The following PHACTR3 variants were observed in gnomAD, a reference collection of about 807,000 sequenced individuals.
The protein encoded by PHACTR3 is phosphatase and actin regulator 3.
A neutral mutation model predicts 66.8 loss-of-function variants in PHACTR3; 16 were observed. That is an observed-to-expected ratio of 0.24 (90% CI 0.16 to 0.36). The LOEUF (loss-of-function observed/expected upper bound fraction) is 0.36. Among genes scored for constraint, PHACTR3 ranks in the 10% least tolerant of loss-of-function variants. The pLI, the probability that PHACTR3 is intolerant of heterozygous loss-of-function variation, is 1.00. For synonymous variants in PHACTR3, 323 were observed against 292.1 expected (o/e 1.11, Z -1.08); for missense variants, 647 against 719.9 (o/e 0.90, Z 1.16).
chr20:59,612,034 C>T (rs760817999), intron 1 of PHACTR3, among the ~76,000 whole-genome samples: 12 of 152,002 alleles, frequency 7.9e-5, no homozygotes, highest in Non-Finnish European at 1.8e-4. Flanking sequence ...CCGGAGGGGA[C>T]GGTGCAGGTA....
At chr20:59,813,522 C>A (rs963289970) in intron 8 of PHACTR3, among the ~76,000 whole-genome samples, 1 of 152,170 alleles carries the variant, frequency 6.6e-6, no homozygotes, top group Non-Finnish European at 1.5e-5. Flanking sequence ...GTAGCGTGCA[C>A]GTGCTAGGCG....
At chr20:59,748,975 A>G (rs1359640415) in intron 3 of PHACTR3, among the ~76,000 whole-genome samples, 2 of 152,162 alleles carry the variant, frequency 1.3e-5, no homozygotes, top group Non-Finnish European at 2.9e-5. Flanking sequence ...TCCTCTCTTT[A>G]GACTCGAAGA....
In PHACTR3 at chr20:59,604,936, C is replaced by A; in HGVS notation, c.-79C>A. ...TTAAAAAGACGCCCCCTCCAGCCCC[C>A]TCGCCGGTGACCTTGGCCGCCTCGG... On this transcript the variant is annotated 5_prime_UTR_variant, in exon 1 of 13. Transcript: ENST00000371015. 1 of 1,231,334 alleles carries A rather than the reference C, an allele frequency of 8.1e-7. No homozygotes were observed. The highest frequency in any genetic ancestry group is 4.3e-5 in the Admixed American group (1 of 23,488). The allele number at this position is 1,231,334 out of a possible 1,614,324, so 76.3% of individuals were successfully genotyped here.
intron 1 of PHACTR3, among the ~76,000 whole-genome samples, chr20:59,708,202 G>A (rs1312143028): frequency 6.6e-6 from 1 of 152,182 alleles, no homozygotes; most frequent in Non-Finnish European, 1.5e-5. Flanking sequence ...GATGGGGACA[G>A]GGGGAGTTCA....
At chr20:59,640,933 A>T (rs2035078146) in intron 1 of PHACTR3, among the ~76,000 whole-genome samples, 1 of 152,200 alleles carries the variant, frequency 6.6e-6, no homozygotes, top group African/African-American at 2.4e-5. Flanking sequence ...AGTTTATGCC[A>T]TTATTGTTAC....
At chr20:59,667,640 C>T (rs943991854) in intron 1 of PHACTR3, among the ~76,000 whole-genome samples, 2 of 152,212 alleles carry the variant, frequency 1.3e-5, no homozygotes, top group African/African-American at 4.8e-5. Context: ...ATCCTGATTT[C>T]ATCACAACTC....
intron 7 of PHACTR3, among the ~76,000 whole-genome samples, chr20:59,790,853 A>C (rs1257092211): frequency 2.0e-5 from 3 of 152,208 alleles, no homozygotes; most frequent in African/African-American, 7.2e-5. Flanking sequence ...TCTTTCCTTA[A>C]TACTATTAGG....
At chr20:59,680,190 G>A (rs11696895) in intron 1 of PHACTR3, among the ~76,000 whole-genome samples, 4,262 of 152,148 alleles carry the variant, frequency 0.028, 77 homozygotes, top group Middle Eastern at 0.065. Flanking sequence ...CTGAACCCCT[G>A]TTAACCTCAG....
chr20:59,579,158 G>C (rs1489007041), intron 1 of PHACTR3, among the ~76,000 whole-genome samples: 1 of 152,182 alleles, frequency 6.6e-6, no homozygotes, highest in East Asian at 1.9e-4. Flanking sequence ...CCTAACCTTC[G>C]GCAGCTTGGC....
intron 1 of PHACTR3, among the ~76,000 whole-genome samples, chr20:59,700,273 C>T (rs571432551): frequency 1.3e-5 from 2 of 152,316 alleles, no homozygotes; most frequent in South Asian, 4.1e-4. Flanking sequence ...CTCCACTGCC[C>T]TGTTGGTTGA....
chr20:59,702,407 C>G (rs1488359582), intron 1 of PHACTR3, among the ~76,000 whole-genome samples: 1 of 152,206 alleles, frequency 6.6e-6, no homozygotes, highest in East Asian at 1.9e-4. Context: ...AAGACTCTCA[C>G]CCCAAGTCTT....
intron 1 of PHACTR3, among the ~76,000 whole-genome samples, chr20:59,674,612 CCCCCT>C (rs1429093566): frequency 1.9e-5 from 1 of 51,772 alleles, no homozygotes; most frequent in Admixed American, 2.3e-4. Context: ...TCTCCTGTTC[CCCCCT>C]TCTCCTGTCC....
At chr20:59,767,492 A>G in intron 5 of PHACTR3, 97 bp downstream of exon 5, 8 of 1,292,764 alleles carry the variant, frequency 6.2e-6, no homozygotes, top group Non-Finnish European at 8.5e-6. Context: ...CTATCTATTT[A>G]TTCACCCATT....
At chr20:59,618,992 G>A (rs78878795) in intron 1 of PHACTR3, among the ~76,000 whole-genome samples, 10,670 of 152,272 alleles carry the variant, frequency 0.07, 421 homozygotes, top group South Asian at 0.12. Flanking sequence ...CGTGGATTCC[G>A]TGGGCAAAGG....
chr20:59,722,021 G>A (rs752090564), intron 1 of PHACTR3, among the ~76,000 whole-genome samples: 45 of 152,220 alleles, frequency 3.0e-4, no homozygotes, highest in Non-Finnish European at 4.4e-4. Context: ...ACAAGGTCAG[G>A]AGATCGAGAC....
intron 1 of PHACTR3, among the ~76,000 whole-genome samples, chr20:59,688,558 AATTTC>A (rs1192488807): frequency 2.0e-5 from 3 of 152,264 alleles, no homozygotes; most frequent in African/African-American, 7.2e-5. Context: ...TCCAGCATCC[AATTTC>A]AGCTCCAACC....
intron 8 of PHACTR3, among the ~76,000 whole-genome samples, chr20:59,817,307 G>A (rs533923937): frequency 3.1e-4 from 47 of 152,316 alleles, no homozygotes; most frequent in African/African-American, 1.1e-3. Flanking sequence ...CGCTTCTGGC[G>A]ACACCACTGC....
intron 1 of PHACTR3, among the ~76,000 whole-genome samples, chr20:59,686,055 C>T (rs1002452230): frequency 6.6e-6 from 1 of 152,192 alleles, no homozygotes; most frequent in African/African-American, 2.4e-5. Context: ...TGGGCTACCC[C>T]CCCCATACCT....
chr20:59,829,953 A>G lies in PHACTR3; in HGVS notation c.1329-6552A>G, dbSNP rs372993619. Among the ~76,000 whole-genome samples the G allele has an allele frequency of 5.3e-5, 8 of 152,180 alleles. No individual in the cohort carries two copies. Among genetic ancestry groups the G allele is most frequent in the African/African-American group, 1.7e-4 (7 of 41,442 alleles). On this transcript the variant is annotated intron_variant, in intron 8 of 12. Coordinates refer to ENST00000371015, the MANE Select transcript of PHACTR3 (RefSeq NM_080672.5). The surrounding 1 kb of genome is among the most constrained non-coding windows in gnomAD (Gnocchi z 4.2). Reference sequence around the variant, plus strand: ...AAGCAAAGCTTGGGGAGCTGGAACTATGCTTCTCCTGACCCCGTGTCCTTC... The same window carrying G: ...AAGCAAAGCTTGGGGAGCTGGAACTGTGCTTCTCCTGACCCCGTGTCCTTC...
Sources: gnomAD v4.1 joint callset for allele counts (sites outside exome capture counted in the v4.1 genomes callset) on GRCh38, gnomAD v4.1.1 for gene constraint, Gnocchi (gnomAD v3.1) non-coding constraint, MANE v1.5 for transcripts, NCBI Gene and HGNC (gene_info 2026-07-23, HGNC 2026-07-21) for gene names.